Variants in FAM53A observed in about 807,000 individuals in gnomAD.
The protein encoded by FAM53A is family with sequence similarity 53 member A, also known as protein FAM53A.
In FAM53A, 28 loss-of-function variants were observed where a neutral mutation model predicts 26.6. The observed-to-expected ratio is 1.05, with a 90% CI of 0.78 to 1.45. The LOEUF (loss-of-function observed/expected upper bound fraction) is 1.45. Among genes scored for constraint, FAM53A ranks in the 40% most tolerant of loss-of-function variants. FAM53A has a pLI of 0.00. For synonymous variants in FAM53A, 290 were observed against 253.1 expected (o/e 1.15, Z -1.38); for missense variants, 650 against 575.8 (o/e 1.13, Z -1.32).
At chr4:1,580,158 C>A in the FAM53A span, 1 of 152,108 alleles carries the variant, frequency 6.6e-6, no homozygotes, top group Non-Finnish European at 1.5e-5. Context: ...TCTAAATTAC[C>A]TCCAACAATT....
intron 4 of FAM53A, chr4:1,644,413 C>T: frequency 6.6e-7 from 1 of 1,506,196 alleles, no homozygotes; most frequent in African/African-American, 1.4e-5. Flanking sequence ...AAAACTTCTG[C>T]CCACAGACAC....
At chr4:1,622,448 T>C (rs2108747433) in intron 1 of FAM53A, among the ~76,000 whole-genome samples, 1 of 152,236 alleles carries the variant, frequency 6.6e-6, no homozygotes, top group South Asian at 2.1e-4. Context: ...CCACGGCCCC[T>C]CCCATGACCT....
chr4:1,613,726 CCT>C (rs761107555), downstream of FAM53A, among the ~76,000 whole-genome samples: 58 of 152,308 alleles, frequency 3.8e-4, no homozygotes, highest in Middle Eastern at 0.01. Flanking sequence ...GAAAATCACC[CCT>C]GTGGTTAGTT....
chr4:1,584,008 C>G, the FAM53A span, among the ~76,000 whole-genome samples: 1 of 152,230 alleles, frequency 6.6e-6, no homozygotes, highest in Non-Finnish European at 1.5e-5. Context: ...GTTCGTGTCT[C>G]TGCCCCTTTT....
chr4:1,603,360 G>A, the FAM53A span, among the ~76,000 whole-genome samples: 9 of 152,326 alleles, frequency 5.9e-5, no homozygotes, highest in South Asian at 6.2e-4. Context: ...GGGGCGAGAC[G>A]GCTCCCCTCT....
chr4:1,589,528 T>C, the FAM53A span, among the ~76,000 whole-genome samples: 7 of 152,202 alleles, frequency 4.6e-5, no homozygotes, highest in African/African-American at 1.7e-4. Context: ...AATTTCTCTT[T>C]CTTGAAGATT....
chr4:1,685,269 GCCCCTGGGGTGGGAGGGGCCTGAGGGA>G (rs1170490434), upstream of FAM53A, among the ~76,000 whole-genome samples: 3 of 152,130 alleles, frequency 2.0e-5, no homozygotes, highest in Non-Finnish European at 4.4e-5. Context: ...CTGGCGAGGG[GCCCCTGGGGTGGGAGGGGCCTGAGGGA>G]CCCTGCGGTC....
At chr4:1,677,173 C>G (rs1055434776) in intron 1 of FAM53A, among the ~76,000 whole-genome samples, 1 of 152,156 alleles carries the variant, frequency 6.6e-6, no homozygotes, top group Non-Finnish European at 1.5e-5. Context: ...GAAGCCCACT[C>G]CCAGGATGCC....
At chr4:1,653,743 T>C (rs1027361574) in intron 4 of FAM53A, among the ~76,000 whole-genome samples, 3 of 152,244 alleles carry the variant, frequency 2.0e-5, no homozygotes, top group African/African-American at 7.2e-5. Context: ...GAGAGCCCAC[T>C]GATCAGAAGA....
intron 1 of FAM53A, among the ~76,000 whole-genome samples, chr4:1,624,321 C>T (rs979592884): frequency 1.3e-5 from 2 of 152,150 alleles, no homozygotes; most frequent in Non-Finnish European, 1.5e-5. Context: ...CCAGGTCAGG[C>T]GCTGTGTCAA....
chr4:1,627,751 C>T (rs1715372442), intron 1 of FAM53A, among the ~76,000 whole-genome samples: 1 of 152,108 alleles, frequency 6.6e-6, no homozygotes, highest in Non-Finnish European at 1.5e-5. Context: ...CCACCACCCC[C>T]TTGCCCTCTG....
the FAM53A span, among the ~76,000 whole-genome samples, chr4:1,589,834 G>A: frequency 1.3e-5 from 2 of 151,836 alleles, no homozygotes; most frequent in Non-Finnish European, 2.9e-5. Context: ...TATTTACAAG[G>A]TCCAGTTTTA....
At chr4:1,654,869 G>A (rs1016255226) in intron 4 of FAM53A, 109 bp downstream of exon 4, 2 of 1,403,210 alleles carry the variant, frequency 1.4e-6, no homozygotes, top group Non-Finnish European at 1.9e-6. Flanking sequence ...GCCCAGAGAA[G>A]ACCAGCCGGA....
chr4:1,579,134 C>A, the FAM53A span, among the ~76,000 whole-genome samples: 1 of 151,520 alleles, frequency 6.6e-6, no homozygotes, highest in African/African-American at 2.4e-5. Context: ...CCGACCAGCC[C>A]GGAGGCGGCT....
chr4:1,678,089 T>C (rs1230598750), intron 1 of FAM53A, among the ~76,000 whole-genome samples: 1 of 152,234 alleles, frequency 6.6e-6, no homozygotes, highest in African/African-American at 2.4e-5. Flanking sequence ...AGACCGTGTG[T>C]GCCCAGGCAC....
At chr4:1,664,380 G>A (rs372240057) in intron 2 of FAM53A, among the ~76,000 whole-genome samples, 1 of 152,156 alleles carries the variant, frequency 6.6e-6, no homozygotes, top group Non-Finnish European at 1.5e-5. Context: ...CGGGCCATGG[G>A]TATGTATGAA....
chr4:1,622,645 G>C (rs1054623707), intron 1 of FAM53A, among the ~76,000 whole-genome samples: 1 of 152,250 alleles, frequency 6.6e-6, no homozygotes, highest in Admixed American at 6.5e-5. Flanking sequence ...GGCGGGGGCT[G>C]TGAGGGGACG....
At chr4:1,660,843 T>C (rs1480563037) in intron 2 of FAM53A, among the ~76,000 whole-genome samples, 1 of 151,528 alleles carries the variant, frequency 6.6e-6, no homozygotes, top group East Asian at 1.9e-4. Flanking sequence ...ATCACGCCTC[T>C]GCACTCCAGC....
chr4:1,623,097 A>T (rs1200976635), intron 1 of FAM53A, among the ~76,000 whole-genome samples: 1 of 152,238 alleles, frequency 6.6e-6, no homozygotes, highest in East Asian at 1.9e-4. Flanking sequence ...TGTGGCCACC[A>T]GCCCGGCATG....
Sources: gnomAD v4.1 joint callset for allele counts (sites outside exome capture counted in the v4.1 genomes callset) on GRCh38, gnomAD v4.1.1 for gene constraint, MANE v1.5 for transcripts, NCBI Gene and HGNC (gene_info 2026-07-23, HGNC 2026-07-21) for gene names.